Variants in MGMT observed in about 807,000 individuals in gnomAD.
MGMT encodes the protein O-6-methylguanine-DNA methyltransferase.
A neutral mutation model predicts 15.9 loss-of-function variants in MGMT; 14 were observed. The observed-to-expected ratio is 0.88, with a 90% CI of 0.58 to 1.37. MGMT has a LOEUF of 1.37. Among genes scored for constraint, MGMT ranks in the 40% most tolerant of loss-of-function variants. The pLI, the probability that MGMT is intolerant of heterozygous loss-of-function variation, is 0.00. For synonymous variants in MGMT, 130 were observed against 118.2 expected (o/e 1.10, Z -0.65); for missense variants, 282 against 268.1 (o/e 1.05, Z -0.36).
intron 2 of MGMT, among the ~76,000 whole-genome samples, chr10:129,591,093 G>C (rs561270178): frequency 6.6e-6 from 1 of 152,336 alleles, no homozygotes; most frequent in African/African-American, 2.4e-5. Context: ...GGCCTGCAGA[G>C]ATGGCTTCCT....
At chr10:129,572,068 C>A (rs1564856290) in intron 2 of MGMT, among the ~76,000 whole-genome samples, 1 of 152,122 alleles carries the variant, frequency 6.6e-6, no homozygotes, top group Non-Finnish European at 1.5e-5. Flanking sequence ...TTAGTCAGTG[C>A]ATCTGGGATT....
At chr10:129,531,272 T>C (rs1006873098) in intron 1 of MGMT, among the ~76,000 whole-genome samples, 5 of 152,164 alleles carry the variant, frequency 3.3e-5, no homozygotes, top group Non-Finnish European at 7.3e-5. Flanking sequence ...GAGGGTCTGT[T>C]ACCCTCATGG....
chr10:129,709,769 C>G (rs1371495081), intron 3 of MGMT, among the ~76,000 whole-genome samples: 1 of 152,138 alleles, frequency 6.6e-6, no homozygotes, highest in Non-Finnish European at 1.5e-5. Flanking sequence ...ATATGGTGGC[C>G]CTGGCCATGG....
At chr10:129,583,394 T>A (rs982854153) in intron 2 of MGMT, among the ~76,000 whole-genome samples, 1 of 152,262 alleles carries the variant, frequency 6.6e-6, no homozygotes. Context: ...TGAGGCTAAT[T>A]ATTTACTCAT....
At chr10:129,626,144 C>G (rs994532907) in intron 2 of MGMT, among the ~76,000 whole-genome samples, 2 of 152,092 alleles carry the variant, frequency 1.3e-5, no homozygotes, top group Non-Finnish European at 2.9e-5. Context: ...TCTTTTTCAT[C>G]CTGAGGAACT....
intron 2 of MGMT, among the ~76,000 whole-genome samples, chr10:129,608,717 T>C (rs1485795665): frequency 6.6e-6 from 1 of 152,198 alleles, no homozygotes; most frequent in Non-Finnish European, 1.5e-5. Context: ...CTAAGTACAA[T>C]AATTGTCTCA....
chr10:129,487,370 G>A (rs1321555228), intron 1 of MGMT, among the ~76,000 whole-genome samples: 2 of 152,058 alleles, frequency 1.3e-5, no homozygotes, highest in Non-Finnish European at 2.9e-5. Flanking sequence ...AGGAAGTAAA[G>A]GAGAAAATGG....
chr10:129,501,969 C>T (rs904572792), intron 1 of MGMT, among the ~76,000 whole-genome samples: 3 of 152,188 alleles, frequency 2.0e-5, no homozygotes, highest in Non-Finnish European at 4.4e-5. Flanking sequence ...GTGTGCACAC[C>T]AGCTCTTGGT....
chr10:129,749,573 G>C (rs1323957893), intron 3 of MGMT, among the ~76,000 whole-genome samples: 1 of 152,164 alleles, frequency 6.6e-6, no homozygotes, highest in Admixed American at 6.5e-5. Context: ...TAATAAAGCT[G>C]CTATAAACAT....
intron 3 of MGMT, among the ~76,000 whole-genome samples, chr10:129,732,004 A>G (rs577997160): frequency 3.9e-5 from 6 of 152,292 alleles, no homozygotes; most frequent in African/African-American, 1.2e-4. Context: ...TGCTATGGAA[A>G]TGATTTTGAC....
At chr10:129,467,445 C>T (rs1845181384) in intron 1 of MGMT, 149 bp downstream of exon 1, 1 of 1,372,480 alleles carries the variant, frequency 7.3e-7, no homozygotes, top group Non-Finnish European at 9.4e-7. Flanking sequence ...GCTCCAGGTG[C>T]GCCCCAAGTG....
chr10:129,690,447 C>T (rs1243993528), intron 2 of MGMT, among the ~76,000 whole-genome samples: 3 of 152,204 alleles, frequency 2.0e-5, no homozygotes, highest in East Asian at 1.9e-4. Context: ...AAAGGCACTG[C>T]GGCGTCCATT....
intron 1 of MGMT, among the ~76,000 whole-genome samples, chr10:129,515,925 A>AT (rs1484857606): frequency 1.3e-5 from 2 of 152,190 alleles, no homozygotes; most frequent in South Asian, 2.1e-4. Flanking sequence ...GGTCTGTTTT[A>AT]TTTTTTATTT....
intron 2 of MGMT, among the ~76,000 whole-genome samples, chr10:129,551,406 C>T (rs923334993): frequency 1.4e-4 from 21 of 152,000 alleles, no homozygotes; most frequent in African/African-American, 4.1e-4. Flanking sequence ...CAGAAGGCCC[C>T]GGGGATGATA....
chr10:129,564,641 G>GCTTCCTCCCCCTCCTCTC (rs1564853805), intron 2 of MGMT, among the ~76,000 whole-genome samples: 19 of 22,596 alleles, frequency 8.4e-4, no homozygotes, highest in Admixed American at 1.4e-3. Context: ...CCCCTCCTCT[G>GCTTCCTCCCCCTCCTCTC]CTTCCTCACC....
intron 1 of MGMT, among the ~76,000 whole-genome samples, chr10:129,527,918 C>G (rs751183052): frequency 1.3e-5 from 2 of 151,998 alleles, no homozygotes; most frequent in African/African-American, 4.8e-5. Context: ...CCTGTGCGCA[C>G]CTGCCTGCCT....
intron 2 of MGMT, among the ~76,000 whole-genome samples, chr10:129,559,206 T>C (rs2119805625): frequency 6.6e-6 from 1 of 152,342 alleles, no homozygotes; most frequent in Non-Finnish European, 1.5e-5. Context: ...ATGTGATGTA[T>C]GGAGTCAACT....
intron 1 of MGMT, among the ~76,000 whole-genome samples, chr10:129,519,632 G>A (rs753630130): frequency 2.0e-5 from 3 of 152,192 alleles, no homozygotes; most frequent in Non-Finnish European, 4.4e-5. Context: ...TGGAACACCA[G>A]GCTCTTCCAT....
At chr10:129,749,325 A>G (rs1389987057) in intron 3 of MGMT, among the ~76,000 whole-genome samples, 1 of 152,150 alleles carries the variant, frequency 6.6e-6, no homozygotes, top group Non-Finnish European at 1.5e-5. Context: ...GCAACCACTT[A>G]TCTTTTTTCT....
Sources: allele counts gnomAD v4.1 joint callset (sites outside exome capture counted in the v4.1 genomes callset), GRCh38; gene constraint gnomAD v4.1.1; transcripts MANE v1.5; gene names NCBI Gene and HGNC (gene_info 2026-07-23, HGNC 2026-07-21).